The following DPYSL2 variants were observed in gnomAD, a reference collection of about 807,000 sequenced individuals.
DPYSL2 encodes the protein dihydropyrimidinase-related protein 2.
In DPYSL2, 13 loss-of-function variants were observed where a neutral mutation model predicts 69.9. The ratio of observed to expected loss-of-function variants is 0.19; its 90% CI spans 0.12 to 0.30. The LOEUF (loss-of-function observed/expected upper bound fraction) is 0.30, where lower values mean the gene tolerates loss of function less well. Among genes scored for constraint, DPYSL2 ranks in the 10% least tolerant of loss-of-function variants. The pLI is 1.00. For synonymous variants in DPYSL2, 326 were observed against 359.1 expected, an observed-to-expected ratio of 0.91 and a Z score of 1.04; for missense variants, 587 against 918.9, an observed-to-expected ratio of 0.64 and a Z score of 4.67.
At chr8:26,628,192 C>G (rs1585557777) in intron 7 of DPYSL2, among the ~76,000 whole-genome samples, 1 of 152,350 alleles carries the variant, frequency 6.6e-6, no homozygotes, top group East Asian at 1.9e-4. Context: ...ATTCTTCAAG[C>G]CCTTGCTTGT....
chr8:26,534,720 A>G (rs1356297252), intron 1 of DPYSL2, among the ~76,000 whole-genome samples: 1 of 151,570 alleles, frequency 6.6e-6, no homozygotes. Context: ...GCAGCCTTGA[A>G]CTCCTGGGCT....
chr8:26,591,579 C>T lies in DPYSL2; in HGVS notation c.628+7596C>T, dbSNP rs1801728051. Among the ~76,000 whole-genome samples, 2 of 152,290 alleles carry T rather than the reference C, an allele frequency of 1.3e-5. No individual in the cohort carries two copies. Among genetic ancestry groups the T allele is most frequent in the South Asian group, 4.1e-4 (2 of 4,820 alleles). ...TCTGATGGGAGCCAGACCCGTTACT[C>T]CTTCTACTCATGATAGCTTTAGCAT... On this transcript the variant is annotated intron_variant, in intron 3 of 13. Transcript: ENST00000521913. The surrounding 1 kb of genome is among the most constrained non-coding windows in gnomAD (Gnocchi z 5.8).
chr8:26,590,101 A>G lies in DPYSL2; in HGVS notation c.628+6118A>G, dbSNP rs80298470. 1.2e-4 allele frequency among the ~76,000 whole-genome samples: 19 copies of G among 152,246 alleles called. No individual in the cohort carries two copies. The East Asian group carries it at 3.1e-3, about 25-fold the overall frequency. On this transcript the variant is annotated intron_variant, in intron 3 of 13. Transcript: ENST00000521913. ...AACGCATGCACACACTGTAATATGG[A>G]TGTGTCTGTAATTGATACTTTGATT...
In DPYSL2 at chr8:26,643,385, G is replaced by C; in HGVS notation, c.1127-54G>C. 1 of 1,526,306 alleles carries C rather than the reference G, an allele frequency of 6.6e-7. No homozygotes were observed. The highest frequency in any genetic ancestry group is 1.4e-5 in the African/African-American group (1 of 72,038). 94.5% of individuals were successfully genotyped at this position (1,526,306 alleles called of 1,614,324 possible). A position where few individuals can be genotyped will look rare whatever the true frequency, so the allele number is the denominator to read the frequency against. On this transcript the variant is annotated intron_variant, in intron 8 of 13. Coordinates refer to ENST00000521913, the MANE Select transcript of DPYSL2 (RefSeq NM_001197293.3). The surrounding 1 kb of genome is among the most constrained non-coding windows in gnomAD (Gnocchi z 6.5). ...CAGGCAGTGGCTCCTCATAGGGGTG[G>C]TTCCCTTCCCCCTGCATTGTGTTGG... is the stretch of plus-strand genomic sequence containing the variant.
chr8:26,540,132 CAA>C (rs1800654815), intron 1 of DPYSL2, among the ~76,000 whole-genome samples: 1 of 152,050 alleles, frequency 6.6e-6, no homozygotes, highest in Admixed American at 6.6e-5. Context: ...ATCAGGAAAA[CAA>C]TGCACAAACA....
chr8:26,566,366 G>T (rs2129676140), intron 1 of DPYSL2, among the ~76,000 whole-genome samples: 1 of 152,252 alleles, frequency 6.6e-6, no homozygotes, highest in South Asian at 2.1e-4. Context: ...GAGAAAGGAG[G>T]GAATTGGAAA....
intron 8 of DPYSL2, among the ~76,000 whole-genome samples, chr8:26,636,438 C>T (rs1802918040): frequency 6.6e-6 from 1 of 152,214 alleles, no homozygotes; most frequent in Non-Finnish European, 1.5e-5. Flanking sequence ...TGCGCTGTAC[C>T]TAGATGATGA....
At chr8:26,518,268 G>A (rs1170419864) in intron 1 of DPYSL2, among the ~76,000 whole-genome samples, 1 of 152,138 alleles carries the variant, frequency 6.6e-6, no homozygotes, top group African/African-American at 2.4e-5. Flanking sequence ...GTTCAAAACA[G>A]GAGATACAAG....
In DPYSL2 at chr8:26,560,659, G is replaced by C. The variant is rs1440338665; in HGVS notation, c.355-21310G>C. On this transcript the variant is annotated intron_variant, in intron 1 of 13. Transcript: ENST00000521913. The surrounding 1 kb of genome is among the most constrained non-coding windows in gnomAD (Gnocchi z 4.4). ...CCAGGTTCATCTCTATGCTTTAATA[G>C]AAGCATTAAAACAGTAAGCAGCCAT... is the stretch of plus-strand genomic sequence containing the variant. 1.3e-5 allele frequency among the ~76,000 whole-genome samples: 2 copies of C among 152,158 alleles called. No homozygotes were observed. Among genetic ancestry groups the C allele is most frequent in the African/African-American group, 2.4e-5 (1 of 41,446 alleles).
intron 7 of DPYSL2, among the ~76,000 whole-genome samples, chr8:26,632,695 C>T (rs918444586): frequency 2.8e-4 from 43 of 152,274 alleles, no homozygotes; most frequent in Middle Eastern, 3.4e-3. Flanking sequence ...GGAGTAGTCA[C>T]CTGTATCTCT....
rs765047133 is a variant in DPYSL2, at chr8:26,624,054, C to T, written c.629-89C>T. ...CCATCTCGATTTTGAACCCAAGAAG[C>T]CTTATTCAGGGTTCAAGTGGGAAAA... On this transcript the variant is annotated intron_variant, in intron 3 of 13. Coordinates refer to ENST00000521913, the MANE Select transcript of DPYSL2 (RefSeq NM_001197293.3). The surrounding 1 kb of genome is among the most constrained non-coding windows in gnomAD (Gnocchi z 4.7). The T allele has an allele frequency of 7.0e-7, 1 of 1,421,394 alleles. No individual in the cohort carries two copies. The highest frequency in any genetic ancestry group is 9.7e-7 in the Non-Finnish European group (1 of 1,027,910). The allele number at this position is 1,421,394 out of a possible 1,614,324, so 88.0% of individuals were successfully genotyped here.
chr8:26,535,276 C>G (rs75960841), intron 1 of DPYSL2, among the ~76,000 whole-genome samples: 10,787 of 152,168 alleles, frequency 0.071, 459 homozygotes, highest in South Asian at 0.22. Flanking sequence ...ACCCTCATGA[C>G]CTGATCACCT....
chr8:26,647,815 C>T lies in DPYSL2; in HGVS notation c.1596+15C>T. ...CACACAACAGCGTAAGACCTGTTAACTGTGCAGACCCCATCCAAACGAATT... is the reference window on the plus strand; with the variant it reads ...CACACAACAGCGTAAGACCTGTTAATTGTGCAGACCCCATCCAAACGAATT... On this transcript the variant is annotated intron_variant, in intron 11 of 13. Transcript: ENST00000521913. This position sits in a 1 kb window ranked among gnomAD's most constrained non-coding sequence, Gnocchi z 5.1. 6.3e-7 allele frequency: 1 copy of T among 1,596,912 alleles called. No individual in the cohort carries two copies. The highest frequency in any genetic ancestry group is 8.5e-7 in the Non-Finnish European group (1 of 1,170,494).
intron 1 of DPYSL2, among the ~76,000 whole-genome samples, chr8:26,551,719 T>C (rs1800877402): frequency 6.6e-6 from 1 of 152,144 alleles, no homozygotes; most frequent in African/African-American, 2.4e-5. Flanking sequence ...ATAAAAATCA[T>C]ACAAAGTAAG....
intron 1 of DPYSL2, among the ~76,000 whole-genome samples, chr8:26,527,349 T>C (rs906897196): frequency 8.5e-5 from 13 of 152,244 alleles, no homozygotes; most frequent in African/African-American, 2.9e-4. Flanking sequence ...CTAAATAATT[T>C]CCTGAAAATT....
At chr8:26,599,145 T>C (rs1801935243) in intron 3 of DPYSL2, among the ~76,000 whole-genome samples, 1 of 152,216 alleles carries the variant, frequency 6.6e-6, no homozygotes, top group South Asian at 2.1e-4. Flanking sequence ...GGTTCTTTTA[T>C]GTAGAGGGGG....
rs1803267545 is a variant in DPYSL2, at chr8:26,650,838, C to T, written c.1597-1419C>T. Among the ~76,000 whole-genome samples the T allele has an allele frequency of 6.6e-6, 1 of 152,166 alleles. No homozygotes were observed. The highest frequency in any genetic ancestry group is 1.5e-5 in the Non-Finnish European group (1 of 68,026). On this transcript the variant is annotated intron_variant, in intron 11 of 13. Coordinates refer to ENST00000521913, the MANE Select transcript of DPYSL2 (RefSeq NM_001197293.3). This position sits in a 1 kb window ranked among gnomAD's most constrained non-coding sequence, Gnocchi z 5.3. Reference sequence around the variant, plus strand: ...GAACTGGAAGTGGGTGCTTGTCCAGCCTTGTGGTCTGAATGCATGCCGCCT... The same window carrying T: ...GAACTGGAAGTGGGTGCTTGTCCAGTCTTGTGGTCTGAATGCATGCCGCCT...
intron 1 of DPYSL2, among the ~76,000 whole-genome samples, chr8:26,577,558 C>T (rs2129712699): frequency 6.7e-6 from 1 of 149,334 alleles, no homozygotes. Context: ...GGGGCGCGCG[C>T]AGGCGAGTGC....
At chr8:26,547,848 G>T in intron 1 of DPYSL2, 1 of 346,526 alleles carries the variant, frequency 2.9e-6, no homozygotes. Flanking sequence ...ATCAGCTCTT[G>T]CAAAAGGAGT....
Sources: allele counts gnomAD v4.1 joint callset (sites outside exome capture counted in the v4.1 genomes callset), GRCh38; gene constraint gnomAD v4.1.1; non-coding constraint Gnocchi (gnomAD v3.1); transcripts MANE v1.5; gene names NCBI Gene and HGNC (gene_info 2026-07-23, HGNC 2026-07-21).